PLCE1: variants seen among roughly 807,000 people sequenced by gnomAD.
PLCE1 encodes the protein phospholipase C epsilon 1.
PLCE1 carries 119 observed loss-of-function variants against 242.8 expected under a neutral mutation model. The observed-to-expected ratio is 0.49, with a 90% CI of 0.42 to 0.57. The LOEUF (loss-of-function observed/expected upper bound fraction) is 0.57, where lower values mean the gene tolerates loss of function less well. PLCE1 is among the 20% of genes least tolerant of loss of function. The probability of loss-of-function intolerance (pLI) is 0.00; values close to 1 mark genes in which losing one functional copy is unlikely to be tolerated. For missense variants in PLCE1, 2,441 were observed against 2,788.8 expected (o/e 0.88, Z 2.81); for synonymous variants, 945 against 1,017.4 (o/e 0.93, Z 1.35).
chr10:94,118,787 A>G (rs1268442764), intron 2 of PLCE1, among the ~76,000 whole-genome samples: 1 of 152,172 alleles, frequency 6.6e-6, no homozygotes, highest in East Asian at 1.9e-4. Context: ...ATGCTCTTCT[A>G]CACACACATA....
intron 3 of PLCE1, among the ~76,000 whole-genome samples, chr10:94,152,280 A>G (rs1486694372): frequency 6.6e-6 from 1 of 152,284 alleles, no homozygotes; most frequent in Non-Finnish European, 1.5e-5. Flanking sequence ...ATAGTTAAAT[A>G]TAAAACAGTT....
At chr10:94,313,162 C>A in intron 27 of PLCE1, 92 bp from the exon 28 acceptor site, 1 of 1,452,626 alleles carries the variant, frequency 6.9e-7, no homozygotes, top group South Asian at 1.1e-5. Flanking sequence ...ATGTTCCTAT[C>A]CGTACTTCTA....
chr10:94,010,059 C>T (rs1320706312), intron 1 of PLCE1, among the ~76,000 whole-genome samples: 1 of 152,242 alleles, frequency 6.6e-6, no homozygotes, highest in African/African-American at 2.4e-5. Flanking sequence ...GCTCTCCCTC[C>T]ATGGCAGGCT....
intron 2 of PLCE1, among the ~76,000 whole-genome samples, chr10:94,087,764 G>T (rs773651676): frequency 2.6e-5 from 4 of 152,142 alleles, no homozygotes; most frequent in Non-Finnish European, 5.9e-5. Context: ...ATATTAATGA[G>T]ATTCAAAAAG....
chr10:94,141,481 A>G (rs894337234), intron 3 of PLCE1, among the ~76,000 whole-genome samples: 1 of 150,568 alleles, frequency 6.6e-6, no homozygotes, highest in Non-Finnish European at 1.5e-5. Context: ...GAGGAGAAGG[A>G]GAAGGGAAGG....
chr10:94,059,414 GT>G (rs993335753), intron 2 of PLCE1, among the ~76,000 whole-genome samples: 1 of 152,186 alleles, frequency 6.6e-6, no homozygotes, highest in African/African-American at 2.4e-5. Flanking sequence ...AGGTCTGATT[GT>G]TGAGGGAGAG....
intron 6 of PLCE1, among the ~76,000 whole-genome samples, chr10:94,234,875 A>T (rs1476714952): frequency 6.6e-6 from 1 of 152,160 alleles, no homozygotes; most frequent in Non-Finnish European, 1.5e-5. Flanking sequence ...GGCATTGGGC[A>T]TTGGAGAGAA....
At chr10:94,103,648 A>AT (rs993341560) in intron 2 of PLCE1, among the ~76,000 whole-genome samples, 2 of 152,210 alleles carry the variant, frequency 1.3e-5, no homozygotes, top group Non-Finnish European at 2.9e-5. Context: ...TTAAAGTATA[A>AT]TAAAAAAAAG....
chr10:94,212,745 C>G (rs992202322), intron 4 of PLCE1, among the ~76,000 whole-genome samples: 3 of 152,176 alleles, frequency 2.0e-5, no homozygotes, highest in Non-Finnish European at 4.4e-5. Flanking sequence ...AACATGTGCC[C>G]TGAAACACAG....
intron 4 of PLCE1, among the ~76,000 whole-genome samples, chr10:94,221,300 G>T (rs1351800521): frequency 6.7e-6 from 1 of 149,080 alleles, no homozygotes; most frequent in African/African-American, 2.6e-5. Flanking sequence ...CTCTGCAAGG[G>T]TGTGTGTGTG....
chr10:94,010,797 C>T (rs982552020), intron 1 of PLCE1, among the ~76,000 whole-genome samples: 3 of 152,202 alleles, frequency 2.0e-5, no homozygotes, highest in African/African-American at 7.2e-5. Context: ...ACTGCAGTTC[C>T]AATAACTTCC....
At chr10:94,147,337 A>C (rs2047145122) in intron 3 of PLCE1, among the ~76,000 whole-genome samples, 1 of 152,014 alleles carries the variant, frequency 6.6e-6, no homozygotes, top group South Asian at 2.1e-4. Context: ...CAGGAGAATC[A>C]CTTGAACCCA....
At chr10:94,036,258 C>G (rs1443319589) in intron 2 of PLCE1, among the ~76,000 whole-genome samples, 1 of 152,128 alleles carries the variant, frequency 6.6e-6, no homozygotes, top group Non-Finnish European at 1.5e-5. Flanking sequence ...TATGCTTTGT[C>G]GAGAACACAT....
chr10:94,169,965 G>C (rs1344723161), intron 3 of PLCE1, among the ~76,000 whole-genome samples: 1 of 152,202 alleles, frequency 6.6e-6, no homozygotes, highest in African/African-American at 2.4e-5. Flanking sequence ...TGAGGACAGA[G>C]AAATTTTGTT....
chr10:94,176,930 G>T (rs1008491685), intron 4 of PLCE1, among the ~76,000 whole-genome samples: 1 of 152,120 alleles, frequency 6.6e-6, no homozygotes, highest in Non-Finnish European at 1.5e-5. Context: ...TGAGAGATGG[G>T]AGGAATAGAG....
chr10:94,204,142 T>A (rs2049068571), intron 4 of PLCE1, among the ~76,000 whole-genome samples: 1 of 152,134 alleles, frequency 6.6e-6, no homozygotes, highest in South Asian at 2.1e-4. Context: ...AGAGAATGCC[T>A]AGGCAAAGGA....
intron 4 of PLCE1, among the ~76,000 whole-genome samples, chr10:94,188,253 A>T (rs938606444): frequency 6.6e-6 from 1 of 152,254 alleles, no homozygotes; most frequent in African/African-American, 2.4e-5. Flanking sequence ...AAAAACCTGT[A>T]TATTTATAGT....
intron 4 of PLCE1, among the ~76,000 whole-genome samples, chr10:94,188,728 C>A (rs2048562590): frequency 1.3e-5 from 2 of 152,228 alleles, no homozygotes. Context: ...GCCCCAGCCT[C>A]CCAAGTAGCT....
At chr10:94,143,875 T>G (rs1414220651) in intron 3 of PLCE1, among the ~76,000 whole-genome samples, 4 of 152,232 alleles carry the variant, frequency 2.6e-5, no homozygotes, top group African/African-American at 7.2e-5. Flanking sequence ...TCACAAGTGA[T>G]TCCTTGAACA....
Sources: allele counts gnomAD v4.1 joint callset (sites outside exome capture counted in the v4.1 genomes callset), GRCh38; gene constraint gnomAD v4.1.1; transcripts MANE v1.5; gene names NCBI Gene and HGNC (gene_info 2026-07-23, HGNC 2026-07-21).